Variants in DYM observed in about 807,000 individuals in gnomAD.
DYM encodes dyggve-Melchior-Clausen syndrome protein.
A neutral mutation model predicts 93.1 loss-of-function variants in DYM; 78 were observed. That is an observed-to-expected ratio of 0.84 (90% CI 0.70 to 1.01). The LOEUF (loss-of-function observed/expected upper bound fraction) is 1.01, where lower values mean the gene tolerates loss of function less well. Ranked by LOEUF, DYM falls within the 50% of genes least tolerant of loss-of-function variation. The pLI, the probability that DYM is intolerant of heterozygous loss-of-function variation, is 0.00. For missense variants in DYM, 789 were observed against 845.0 expected, an observed-to-expected ratio of 0.93 and a Z score of 0.82; for synonymous variants, 321 against 319.7, an observed-to-expected ratio of 1.00 and a Z score of -0.04.
At position 49,060,540 on chromosome 18, in the gene DYM, T is replaced by C. The variant is rs577664483; in HGVS notation, c.2026-16336A>G. ...CTACTGGACATAAATGATTTGAAGGTAGGCTCTCTGTGTGCCATGCAGCCC... is the reference window on the plus strand; with the variant it reads ...CTACTGGACATAAATGATTTGAAGGCAGGCTCTCTGTGTGCCATGCAGCCC... On this transcript the variant is annotated intron_variant, in intron 17 of 17. Transcript: ENST00000675505. Among the ~76,000 whole-genome samples, 4 of 149,138 alleles carry C rather than the reference T, an allele frequency of 2.7e-5. No individual in the cohort carries two copies. In the East Asian group the frequency reaches 7.9e-4, roughly 30 times the overall value.
At chr18:49,390,984 T>C (rs2069179560) in intron 3 of DYM, among the ~76,000 whole-genome samples, 1 of 152,230 alleles carries the variant, frequency 6.6e-6, no homozygotes, top group African/African-American at 2.4e-5. Context: ...AGTTAAGCAT[T>C]TGAGAAACAA....
intron 2 of DYM, among the ~76,000 whole-genome samples, chr18:49,422,360 TAAAG>T (rs2073817485): frequency 6.6e-6 from 1 of 152,126 alleles, no homozygotes; most frequent in Admixed American, 6.6e-5. Flanking sequence ...TCAACATTCT[TAAAG>T]AAAATAATTT....
Position 49,378,368 on chromosome 18 carries a change from G to GAAAAAC in DYM, c.421+193_421+198dup, listed in dbSNP as rs1311122802. ...CCCCACCAGCTTTCTTATTTAAAACGAAAAACAAAAACAAAAAACGCTTGA... is the reference window on the plus strand; with the variant it reads ...CCCCACCAGCTTTCTTATTTAAAACGAAAAACAAAAACAAAAACAAAAAACGCTTGA... On this transcript the variant is annotated intron_variant, in intron 5 of 17. Transcript: ENST00000675505. Among the ~76,000 whole-genome samples, 15 of 151,470 alleles carry GAAAAAC rather than the reference G, an allele frequency of 9.9e-5. No individual in the cohort carries two copies. The East Asian group carries it at 2.7e-3, about 27-fold the overall frequency.
At chr18:49,169,395 C>T (rs1256756170) in intron 14 of DYM, among the ~76,000 whole-genome samples, 3 of 152,198 alleles carry the variant, frequency 2.0e-5, no homozygotes, top group African/African-American at 7.2e-5. Context: ...GTGGGGGAAA[C>T]AGCACTGCAC....
intron 17 of DYM, among the ~76,000 whole-genome samples, chr18:49,087,077 A>G (rs1338042257): frequency 6.6e-6 from 1 of 152,148 alleles, no homozygotes; most frequent in Non-Finnish European, 1.5e-5. Flanking sequence ...ATAAAGCAGG[A>G]AGATGGCCAT....
chr18:49,356,019 T>G, intron 6 of DYM, among the ~76,000 whole-genome samples: 1 of 152,134 alleles, frequency 6.6e-6, no homozygotes, highest in Non-Finnish European at 1.5e-5. Flanking sequence ...CCAAACCATG[T>G]GCATACATAT....
chr18:49,194,545 AT>A (rs1039382278), intron 14 of DYM, among the ~76,000 whole-genome samples: 65 of 152,342 alleles, frequency 4.3e-4, no homozygotes, highest in African/African-American at 1.6e-3. Context: ...CAGATTAAAA[AT>A]CCAGTTAGTT....
intron 1 of DYM, among the ~76,000 whole-genome samples, chr18:49,441,212 A>T (rs2081508664): frequency 3.6e-5 from 1 of 27,576 alleles, no homozygotes. Flanking sequence ...TATTATATAT[A>T]TTATATATAA....
At chr18:49,285,809 G>C (rs28628070) in intron 9 of DYM, among the ~76,000 whole-genome samples, 3,932 of 152,304 alleles carry the variant, frequency 0.026, 157 homozygotes, top group African/African-American at 0.088. Context: ...TCAACATGAA[G>C]CCATATGCTC....
intron 8 of DYM, among the ~76,000 whole-genome samples, chr18:49,323,538 G>GCCC (rs1280884009): frequency 3.3e-5 from 5 of 152,138 alleles, no homozygotes; most frequent in African/African-American, 1.2e-4. Flanking sequence ...TGAGAGTGGA[G>GCCC]CCCCCATGAT....
At chr18:49,419,135 G>A (rs559548319) in intron 2 of DYM, among the ~76,000 whole-genome samples, 1 of 152,212 alleles carries the variant, frequency 6.6e-6, no homozygotes, top group South Asian at 2.1e-4. Flanking sequence ...GGTCAAGGCA[G>A]GTGGATCAGG....
intron 8 of DYM, among the ~76,000 whole-genome samples, chr18:49,308,055 G>T (rs2061373941): frequency 6.6e-6 from 1 of 152,016 alleles, no homozygotes; most frequent in Non-Finnish European, 1.5e-5. Context: ...AAAATAAAAT[G>T]ACATTACTTA....
chr18:49,161,834 C>A (rs1045793990), intron 15 of DYM, among the ~76,000 whole-genome samples: 9 of 152,212 alleles, frequency 5.9e-5, no homozygotes, highest in African/African-American at 2.2e-4. Context: ...GGACTGGGTA[C>A]TGTTCCCACA....
intron 15 of DYM, among the ~76,000 whole-genome samples, chr18:49,128,224 T>C (rs2083018140): frequency 6.6e-6 from 1 of 152,232 alleles, no homozygotes. Context: ...CCACTTGCAG[T>C]GGACAGAACT....
chr18:49,304,313 C>A (rs1386712483), intron 8 of DYM, among the ~76,000 whole-genome samples: 1 of 152,166 alleles, frequency 6.6e-6, no homozygotes, highest in Non-Finnish European at 1.5e-5. Context: ...GGCCAACAGC[C>A]TTAACCCAAC....
At chr18:49,086,023 A>G (rs151315353) in intron 17 of DYM, among the ~76,000 whole-genome samples, 393 of 152,338 alleles carry the variant, frequency 2.6e-3, no homozygotes, top group African/African-American at 8.9e-3. Flanking sequence ...TCAAGGTAAA[A>G]TCACACAGCT....
intron 10 of DYM, among the ~76,000 whole-genome samples, chr18:49,272,587 A>AT (rs2094734726): frequency 6.6e-6 from 1 of 152,148 alleles, no homozygotes; most frequent in South Asian, 2.1e-4. Flanking sequence ...TGTTTTGAAG[A>AT]TTTTAAGAAG....
At chr18:49,046,482 GACAC>G (rs919728521) in intron 17 of DYM, among the ~76,000 whole-genome samples, 7 of 146,512 alleles carry the variant, frequency 4.8e-5, no homozygotes, top group Non-Finnish European at 7.5e-5. Context: ...CACACACACA[GACAC>G]ACACACAGAC....
At chr18:49,364,652 C>T (rs994048263) in intron 5 of DYM, among the ~76,000 whole-genome samples, 5 of 152,098 alleles carry the variant, frequency 3.3e-5, no homozygotes, top group Admixed American at 2.6e-4. Flanking sequence ...CAGAAAAATT[C>T]CATGCTCCAA....
Sources: gnomAD v4.1 joint callset for allele counts (sites outside exome capture counted in the v4.1 genomes callset) on GRCh38, gnomAD v4.1.1 for gene constraint, MANE v1.5 for transcripts, NCBI Gene and HGNC (gene_info 2026-07-23, HGNC 2026-07-21) for gene names.